Variants in TDRD12 observed in about 807,000 individuals in gnomAD.
The protein encoded by TDRD12 is tudor domain containing 12, also known as putative ATP-dependent RNA helicase TDRD12.
A neutral mutation model predicts 133.5 loss-of-function variants in TDRD12; 158 were observed. The observed-to-expected ratio is 1.18, with a 90% CI of 1.04 to 1.35. The LOEUF is 1.35. Ranked by LOEUF, TDRD12 falls within the 40% of genes most tolerant of loss-of-function variation. The pLI is 0.00. For missense variants in TDRD12, 1,443 were observed against 1,321.3 expected (o/e 1.09, Z -1.43); for synonymous variants, 460 against 477.9 (o/e 0.96, Z 0.49).
chr19:32,785,365 G>A (rs1015719463), intron 11 of TDRD12, among the ~76,000 whole-genome samples: 1 of 152,178 alleles, frequency 6.6e-6, no homozygotes, highest in African/African-American at 2.4e-5. Flanking sequence ...TTGCTGAGGA[G>A]TGTTTTACTT....
downstream of TDRD12, among the ~76,000 whole-genome samples, chr19:32,821,692 T>C (rs899029081): frequency 6.6e-6 from 1 of 152,242 alleles, no homozygotes; most frequent in Admixed American, 6.5e-5. Flanking sequence ...GTATATGTTC[T>C]TGTGGCTTCC....
At chr19:32,733,845 T>C (rs1237798192) in intron 2 of TDRD12, among the ~76,000 whole-genome samples, 8 of 152,002 alleles carry the variant, frequency 5.3e-5, no homozygotes, top group African/African-American at 1.7e-4. Context: ...TACCCTGAAA[T>C]AACACTGTTC....
chr19:32,798,233 G>A (rs1599600820), intron 15 of TDRD12, 75 bp from the exon 16 acceptor site: 1 of 1,420,572 alleles, frequency 7.0e-7, no homozygotes, highest in Non-Finnish European at 9.5e-7. Flanking sequence ...TAGAAAGTAT[G>A]TGGACTCTTA....
chr19:32,762,290 A>G (rs1366499760), intron 8 of TDRD12, among the ~76,000 whole-genome samples: 2 of 152,074 alleles, frequency 1.3e-5, no homozygotes, highest in Admixed American at 1.3e-4. Flanking sequence ...GTTTTCTCCT[A>G]TGTTATTTTC....
chr19:32,796,789 A>T (rs1971240968), intron 14 of TDRD12, among the ~76,000 whole-genome samples: 1 of 152,058 alleles, frequency 6.6e-6, no homozygotes, highest in Non-Finnish European at 1.5e-5. Flanking sequence ...CCACGCCTCC[A>T]TGGTCAGCCT....
At chr19:32,736,477 C>T (rs191945071) in intron 2 of TDRD12, among the ~76,000 whole-genome samples, 136 of 152,316 alleles carry the variant, frequency 8.9e-4, no homozygotes, top group Non-Finnish European at 1.4e-3. Context: ...ATGAATGTGG[C>T]TTTCATGCCT....
chr19:32,820,103 A>G (rs1317456200), intron 27 of TDRD12, among the ~76,000 whole-genome samples: 1 of 152,148 alleles, frequency 6.6e-6, no homozygotes. Flanking sequence ...GGGCGACTGC[A>G]CAGAGCCTGG....
intron 18 of TDRD12, 119 bp from the exon 19 acceptor site, chr19:32,801,637 A>C (rs768452079): frequency 6.6e-5 from 26 of 392,080 alleles, no homozygotes; most frequent in Non-Finnish European, 1.1e-4. Context: ...TTATGGGATC[A>C]GTGAGGTAGT....
At chr19:32,733,053 G>A (rs183723331) in intron 2 of TDRD12, among the ~76,000 whole-genome samples, 219 of 152,244 alleles carry the variant, frequency 1.4e-3, no homozygotes, top group African/African-American at 4.9e-3. Context: ...CGTGCCTGTG[G>A]CCCCAGCTAC....
chr19:32,726,885 A>G (rs1968880015), intron 1 of TDRD12, among the ~76,000 whole-genome samples: 1 of 152,164 alleles, frequency 6.6e-6, no homozygotes, highest in African/African-American at 2.4e-5. Flanking sequence ...ATTGTGAATA[A>G]TGCTGCTATG....
chr19:32,820,719 G>A (rs577300964), intron 27 of TDRD12, among the ~76,000 whole-genome samples: 1 of 152,310 alleles, frequency 6.6e-6, no homozygotes, highest in South Asian at 2.1e-4. Flanking sequence ...GGGGAAGCAG[G>A]AAACTGGCTT....
chr19:32,768,497 G>T lies in TDRD12; in HGVS notation c.866-4256G>T, dbSNP rs149101081. ...CTCAAACACCTCAGCCTCCCGAGTTGCAGGGACTAGGCTCACACCACCATG... is the reference window on the plus strand; with the variant it reads ...CTCAAACACCTCAGCCTCCCGAGTTTCAGGGACTAGGCTCACACCACCATG... On this transcript the variant is annotated intron_variant, in intron 8 of 27. Transcript: ENST00000444215. Among the ~76,000 whole-genome samples the T allele has an allele frequency of 1.4e-3, 210 of 151,400 alleles. 8 individuals carry two copies. In the East Asian group the frequency reaches 0.037, roughly 26 times the overall value.
At chr19:32,801,256 A>G (rs1192093266) in intron 18 of TDRD12, among the ~76,000 whole-genome samples, 2 of 152,124 alleles carry the variant, frequency 1.3e-5, no homozygotes, top group Non-Finnish European at 2.9e-5. Flanking sequence ...ACAGTAAAAG[A>G]TATCATATAG....
At chr19:32,743,004 G>C (rs1969479717) in intron 4 of TDRD12, 104 bp downstream of exon 4, 2 of 1,387,992 alleles carry the variant, frequency 1.4e-6, no homozygotes, top group Non-Finnish European at 1.9e-6. Context: ...CTGAGCAGGA[G>C]GTCTCTGTTC....
chr19:32,797,741 G>A (rs907916086), exon 15 of TDRD12: 11 of 684,488 alleles, frequency 1.6e-5, no homozygotes, highest in East Asian at 8.1e-5. Flanking sequence ...GCAGCCTCTC[G>A]CAGTCATCGT....
chr19:32,758,714 C>G (rs1430859800), intron 8 of TDRD12, among the ~76,000 whole-genome samples: 1 of 152,160 alleles, frequency 6.6e-6, no homozygotes, highest in East Asian at 1.9e-4. Flanking sequence ...GCTGGCAGAT[C>G]ACTTGATGCT....
At chr19:32,779,912 T>G (rs982970944) in intron 11 of TDRD12, among the ~76,000 whole-genome samples, 2 of 152,186 alleles carry the variant, frequency 1.3e-5, no homozygotes, top group African/African-American at 4.8e-5. Context: ...ACCCTGGAGC[T>G]CTCTCTGCAG....
intron 6 of TDRD12, 63 bp downstream of exon 6, chr19:32,749,932 G>T: frequency 8.2e-7 from 1 of 1,216,226 alleles, no homozygotes; most frequent in Non-Finnish European, 1.2e-6. Context: ...TAATAAAACA[G>T]AATAAATGCC....
rs116606012 is a variant in TDRD12, at chr19:32,748,323, C to G, written c.441-153C>G. Among the ~76,000 whole-genome samples the G allele has an allele frequency of 2.0e-3, 312 of 152,228 alleles. 2 individuals are homozygous for G. The highest frequency in any genetic ancestry group is 7.3e-3 in the African/African-American group (302 of 41,540). Reference sequence around the variant, plus strand: ...TTGCAGGATGCAGTGGGATCCTCACCCCCAGAGCAGGGCCAGTGCCAGGTG... The same window carrying G: ...TTGCAGGATGCAGTGGGATCCTCACGCCCAGAGCAGGGCCAGTGCCAGGTG... On this transcript the variant is annotated intron_variant, in intron 4 of 27. Coordinates refer to ENST00000444215, the Ensembl canonical transcript of TDRD12.
Sources: gnomAD v4.1 joint callset for allele counts (sites outside exome capture counted in the v4.1 genomes callset) on GRCh38, gnomAD v4.1.1 for gene constraint, MANE v1.5 for transcripts, NCBI Gene and HGNC (gene_info 2026-07-23, HGNC 2026-07-21) for gene names.